NECAB1: variants seen among roughly 807,000 people sequenced by gnomAD.
NECAB1 encodes N-terminal EF-hand calcium-binding protein 1.
NECAB1 carries 29 observed loss-of-function variants against 57.5 expected under a neutral mutation model. The observed-to-expected ratio is 0.50, with a 90% CI of 0.38 to 0.69. NECAB1 has a LOEUF of 0.69. NECAB1 is among the 30% of genes least tolerant of loss of function. NECAB1 has a pLI of 0.00. For missense variants in NECAB1, 372 were observed against 413.8 expected (o/e 0.90, Z 0.88); for synonymous variants, 142 against 147.7 (o/e 0.96, Z 0.28).
intron 5 of NECAB1, among the ~76,000 whole-genome samples, chr8:90,915,769 C>A (rs1372076012): frequency 1.3e-5 from 2 of 152,198 alleles, no homozygotes; most frequent in Non-Finnish European, 2.9e-5. Flanking sequence ...AACAGTCCAG[C>A]CTTCAGTCTG....
chr8:90,949,716 A>C (rs1307232246), intron 10 of NECAB1, 91 bp from the exon 11 acceptor site: 5 of 589,798 alleles, frequency 8.5e-6, no homozygotes, highest in Non-Finnish European at 1.5e-5. Context: ...TTAATGGATA[A>C]GATTGTTTCA....
At chr8:90,923,283 C>T (rs541461314) in intron 6 of NECAB1, among the ~76,000 whole-genome samples, 4 of 152,298 alleles carry the variant, frequency 2.6e-5, no homozygotes, top group African/African-American at 9.6e-5. Context: ...GCTGATAGGA[C>T]ACAATACTAA....
At chr8:90,889,847 A>G (rs1413413460) in intron 5 of NECAB1, among the ~76,000 whole-genome samples, 1 of 152,206 alleles carries the variant, frequency 6.6e-6, no homozygotes, top group Non-Finnish European at 1.5e-5. Context: ...TTCTATTACT[A>G]GAAGTAAGTC....
Position 90,955,578 on chromosome 8 carries a change from T to C in NECAB1, c.*66T>C, listed in dbSNP as rs536653986. On this transcript the variant is annotated 3_prime_UTR_variant, in exon 13 of 13. Coordinates refer to ENST00000417640, the MANE Select transcript of NECAB1 (RefSeq NM_022351.5). ...AGGTGTTCTTATCTAAAACGTCAAT[T>C]AGAAAATTATCTGCGGTTGTTAATC... 3.2e-6 allele frequency: 4 copies of C among 1,241,952 alleles called. No homozygotes were observed. The African/African-American group carries it at 6.2e-5, about 19-fold the overall frequency. 76.9% of individuals were successfully genotyped at this position (1,241,952 alleles called of 1,614,324 possible).
chr8:90,859,397 A>G (rs942131534), intron 3 of NECAB1, among the ~76,000 whole-genome samples: 1 of 152,198 alleles, frequency 6.6e-6, no homozygotes, highest in Admixed American at 6.5e-5. Context: ...GAGATGGGAG[A>G]TAAGTCTCAA....
At chr8:90,947,303 TACACACACACACACAC>T (rs71771328) in intron 10 of NECAB1, among the ~76,000 whole-genome samples, 15 of 78,284 alleles carry the variant, frequency 1.9e-4, no homozygotes, top group South Asian at 9.1e-4. Flanking sequence ...TAACAACACA[TACACACACACACACAC>T]ACACACACAC....
intron 5 of NECAB1, among the ~76,000 whole-genome samples, chr8:90,902,866 T>C (rs1465267696): frequency 6.6e-6 from 1 of 152,056 alleles, no homozygotes; most frequent in Non-Finnish European, 1.5e-5. Context: ...ATTTCATTTC[T>C]AGAACATTAA....
At chr8:90,905,594 A>G (rs1041870303) in intron 5 of NECAB1, among the ~76,000 whole-genome samples, 2 of 152,198 alleles carry the variant, frequency 1.3e-5, no homozygotes, top group African/African-American at 4.8e-5. Context: ...AGGTTTTACT[A>G]TATTGCATCT....
chr8:90,837,010 A>T (rs1263526374), intron 3 of NECAB1, among the ~76,000 whole-genome samples: 1 of 152,236 alleles, frequency 6.6e-6, no homozygotes, highest in African/African-American at 2.4e-5. Flanking sequence ...TTAACTCAGG[A>T]TCTTTGCAAT....
intron 2 of NECAB1, among the ~76,000 whole-genome samples, chr8:90,816,942 C>A (rs764646961): frequency 6.6e-6 from 1 of 151,610 alleles, no homozygotes; most frequent in Non-Finnish European, 1.5e-5. Context: ...AACCCATGGA[C>A]GTAGAATATC....
intron 6 of NECAB1, among the ~76,000 whole-genome samples, chr8:90,920,154 G>A (rs1220407241): frequency 1.3e-5 from 2 of 152,170 alleles, no homozygotes; most frequent in Admixed American, 6.6e-5. Flanking sequence ...TTACATGTCT[G>A]ACTGCAGTTT....
intron 6 of NECAB1, among the ~76,000 whole-genome samples, chr8:90,920,964 T>G (rs1004403222): frequency 2.0e-5 from 3 of 152,046 alleles, no homozygotes; most frequent in Non-Finnish European, 4.4e-5. Context: ...TCATCTGGGG[T>G]TCAGAAAGAT....
chr8:90,858,842 A>G (rs572723439), intron 3 of NECAB1, among the ~76,000 whole-genome samples: 20 of 152,234 alleles, frequency 1.3e-4, no homozygotes, highest in African/African-American at 4.6e-4. Flanking sequence ...TCACATTGAC[A>G]CACACACACA....
At chr8:90,947,556 G>T (rs184421334) in intron 10 of NECAB1, among the ~76,000 whole-genome samples, 1 of 151,876 alleles carries the variant, frequency 6.6e-6, no homozygotes, top group Non-Finnish European at 1.5e-5. Flanking sequence ...ACATGCCACT[G>T]TGCCCAGCTA....
At chr8:90,845,644 C>A (rs1485979031) in intron 3 of NECAB1, among the ~76,000 whole-genome samples, 1 of 152,118 alleles carries the variant, frequency 6.6e-6, no homozygotes, top group African/African-American at 2.4e-5. Context: ...AGGTACAACA[C>A]AGTATTAAGT....
chr8:90,904,195 CA>C lies in NECAB1; in HGVS notation c.358-13294del, dbSNP rs1390572071. Among the ~76,000 whole-genome samples the C allele has an allele frequency of 2.6e-5, 4 of 151,960 alleles. No individual in the cohort carries two copies. The East Asian group carries it at 7.7e-4, about 29-fold the overall frequency. On this transcript the variant is annotated intron_variant, in intron 5 of 12. Transcript: ENST00000417640. ...CCCAGATACTGGACAAAAGCAAAAT[CA>C]AATTCTCTCTTAATCTAGATCTGGT... is the stretch of plus-strand genomic sequence containing the variant.
chr8:90,831,914 A>C (rs1812303914), intron 3 of NECAB1, among the ~76,000 whole-genome samples: 2 of 152,210 alleles, frequency 1.3e-5, no homozygotes, highest in Non-Finnish European at 2.9e-5. Flanking sequence ...TACAAAGCTA[A>C]GAAACACTAT....
chr8:90,805,742 A>T (rs1811836438), intron 2 of NECAB1, among the ~76,000 whole-genome samples: 1 of 152,010 alleles, frequency 6.6e-6, no homozygotes, highest in Non-Finnish European at 1.5e-5. Context: ...TTTATTTTAA[A>T]ATATTTAATT....
At chr8:90,808,763 A>C (rs1811901756) in intron 2 of NECAB1, among the ~76,000 whole-genome samples, 1 of 146,782 alleles carries the variant, frequency 6.8e-6, no homozygotes, top group South Asian at 2.1e-4. Flanking sequence ...CTCCTGCCTC[A>C]GTCTCGCAAG....
Sources: gnomAD v4.1 joint callset for allele counts (sites outside exome capture counted in the v4.1 genomes callset) on GRCh38, gnomAD v4.1.1 for gene constraint, MANE v1.5 for transcripts, NCBI Gene and HGNC (gene_info 2026-07-23, HGNC 2026-07-21) for gene names.